Variants in RHCG observed in about 807,000 individuals in gnomAD.
RHCG encodes the protein ammonium transporter Rh type C.
A neutral mutation model predicts 55.3 loss-of-function variants in RHCG; 39 were observed. The observed-to-expected ratio is 0.70, with a 90% CI of 0.55 to 0.92. The LOEUF (loss-of-function observed/expected upper bound fraction) is 0.92. Ranked by LOEUF, RHCG falls within the 40% of genes least tolerant of loss-of-function variation. The pLI is 0.00. For missense variants in RHCG, 635 were observed against 627.9 expected (o/e 1.01, Z -0.12); for synonymous variants, 250 against 246.8 (o/e 1.01, Z -0.12).
At chr15:89,487,603 A>G (rs1961399046) in intron 1 of RHCG, among the ~76,000 whole-genome samples, 1 of 152,136 alleles carries the variant, frequency 6.6e-6, no homozygotes. Flanking sequence ...TCCAGCAGAT[A>G]CACATCCCCG....
intron 1 of RHCG, among the ~76,000 whole-genome samples, chr15:89,490,969 G>A (rs1283170533): frequency 1.3e-5 from 2 of 152,162 alleles, no homozygotes; most frequent in South Asian, 2.1e-4. Flanking sequence ...CAGAGAAGAC[G>A]AAGGACACGC....
chr15:89,492,733 G>T (rs963599146), intron 1 of RHCG, among the ~76,000 whole-genome samples: 2 of 152,226 alleles, frequency 1.3e-5, no homozygotes, highest in Non-Finnish European at 2.9e-5. Context: ...TTGTGATTGG[G>T]AAGTGCACAA....
At chr15:89,489,980 G>A (rs1961443907) in intron 1 of RHCG, among the ~76,000 whole-genome samples, 1 of 152,230 alleles carries the variant, frequency 6.6e-6, no homozygotes, top group Non-Finnish European at 1.5e-5. Context: ...CCAGCACCTA[G>A]GAGAGTGCCA....
Position 89,472,736 on chromosome 15 carries a change from T to TAGGGTACCA in RHCG, c.1430_1438dup (p.Leu477_Pro479dup), listed in dbSNP as rs1961061667. On this transcript the variant is annotated inframe_insertion, in exon 10 of 11. Coordinates refer to ENST00000268122, the MANE Select transcript of RHCG (RefSeq NM_016321.3). ...CTGCTCCTCACCTGCCCTGGGAGCC[T>TAGGGTACCA]AGGGTACCAAGGGTACCGAGGAAGC... is the stretch of plus-strand genomic sequence containing the variant. 3 of 1,608,026 alleles carry TAGGGTACCA rather than the reference T, an allele frequency of 1.9e-6. No homozygotes were observed. Among genetic ancestry groups the TAGGGTACCA allele is most frequent in the African/African-American group, 1.3e-5 (1 of 74,810 alleles).
intron 1 of RHCG, among the ~76,000 whole-genome samples, chr15:89,491,329 C>T (rs1224298660): frequency 6.6e-6 from 1 of 152,206 alleles, no homozygotes; most frequent in Non-Finnish European, 1.5e-5. Context: ...CCGTCAGGAA[C>T]ACAGACACCC....
intron 4 of RHCG, 76 bp from the exon 5 acceptor site, chr15:89,479,564 C>T (rs1331096453): frequency 2.9e-6 from 4 of 1,368,644 alleles, no homozygotes; most frequent in South Asian, 2.8e-5. Flanking sequence ...GGCAGGCATC[C>T]TGTCCTTTAG....
rs1961385842 is a variant in RHCG, at chr15:89,486,979, T to C, written c.191A>G (p.Gln64Arg). ...NEFYYRYPSFQDVHVMVFVGF... is the reference protein window; with the variant it reads ...NEFYYRYPSFRDVHVMVFVGF... ...CACGAAGACCATCACGTGCACGTCC[T>C]GGAAGCCTGCGGGGACAGTGCAGCC... Residue 64 changes from glutamine to arginine, a missense_variant, in exon 2 of 11, where the codon CAG becomes CGG. Gln to Arg is a conservative substitution (Grantham distance 43, BLOSUM62 1). Transcript: ENST00000268122. The C allele has an allele frequency of 1.9e-6, 3 of 1,590,656 alleles. No homozygotes were observed. The highest frequency in any genetic ancestry group is 2.6e-6 in the Non-Finnish European group (3 of 1,164,072).
chr15:89,477,420 G>A lies in RHCG; in HGVS notation c.1112+97C>T. On this transcript the variant is annotated intron_variant, in intron 7 of 10. Coordinates refer to ENST00000268122, the MANE Select transcript of RHCG (RefSeq NM_016321.3). This position sits in a 1 kb window ranked among gnomAD's most constrained non-coding sequence, Gnocchi z 4.5. ...ATTGGTCCAGAGTGGGGAAGGAAAG[G>A]GAGAAAGATGCAGTCGGGTCCCAGA... 1 of 1,524,070 alleles carries A rather than the reference G, an allele frequency of 6.6e-7. No homozygotes were observed. Among genetic ancestry groups the A allele is most frequent in the Non-Finnish European group, 8.9e-7 (1 of 1,124,862 alleles). 94.4% of individuals were successfully genotyped at this position (1,524,070 alleles called of 1,614,324 possible).
chr15:89,484,013 C>G (rs549755428), intron 2 of RHCG, among the ~76,000 whole-genome samples: 1 of 152,352 alleles, frequency 6.6e-6, no homozygotes, highest in African/African-American at 2.4e-5. Context: ...CTGCCAGCAG[C>G]AAAGCTGCCC....
At chr15:89,475,136 GCCTTCCTTCATT>G (rs1961121833) in intron 9 of RHCG, among the ~76,000 whole-genome samples, 1 of 92,296 alleles carries the variant, frequency 1.1e-5, no homozygotes, top group African/African-American at 4.0e-5. Context: ...ATTCCTGCCT[GCCTTCCTTCATT>G]CCTTCCTTCC....
intron 9 of RHCG, among the ~76,000 whole-genome samples, chr15:89,475,835 T>A (rs1392100776): frequency 1.3e-5 from 2 of 152,190 alleles, no homozygotes; most frequent in Admixed American, 6.5e-5. Context: ...CCTAGGTGAT[T>A]CCAGTGTGCA....
intron 1 of RHCG, among the ~76,000 whole-genome samples, chr15:89,491,752 G>C (rs1287262266): frequency 6.6e-6 from 1 of 151,872 alleles, no homozygotes; most frequent in Non-Finnish European, 1.5e-5. Context: ...GGGCAACAGA[G>C]TGAGACTTCA....
At chr15:89,479,670 C>T (rs1044483114) in intron 4 of RHCG, 182 bp from the exon 5 acceptor site, 13 of 608,526 alleles carry the variant, frequency 2.1e-5, no homozygotes, top group Non-Finnish European at 3.1e-5. Flanking sequence ...TCCTTACCCC[C>T]CACTTAGCCT....
intron 4 of RHCG, 79 bp from the exon 5 acceptor site, chr15:89,479,567 T>C (rs12902254): frequency 0.028 from 37,387 of 1,323,266 alleles, 604 homozygotes; most frequent in Non-Finnish European, 0.033. Flanking sequence ...AGGCATCCTG[T>C]CCTTTAGCTC....
intron 3 of RHCG, among the ~76,000 whole-genome samples, chr15:89,480,908 C>T (rs549664343): frequency 6.6e-6 from 1 of 152,352 alleles, no homozygotes; most frequent in African/African-American, 2.4e-5. Flanking sequence ...ACTCACCTCT[C>T]CTTCTCTTTT....
chr15:89,491,814 G>A (rs1286682905), intron 1 of RHCG, among the ~76,000 whole-genome samples: 3 of 151,982 alleles, frequency 2.0e-5, no homozygotes, highest in African/African-American at 7.3e-5. Flanking sequence ...GTGACGATTT[G>A]AGGGTCCAAA....
In RHCG at chr15:89,480,408, C is replaced by T. The variant is rs1341801648; in HGVS notation, c.523G>A (p.Val175Met). The change falls in exon 4 of 11, where the codon GTG becomes ATG. Residue 175 changes from valine (V) to methionine (M), a missense_variant and splice_region_variant. Coordinates refer to ENST00000268122, the MANE Select transcript of RHCG (RefSeq NM_016321.3). ...GTCATGGAGCCTCCTGCATCCTTCA[C>T]CTGGGGTGCAAGGGGCCTGTCAGAC... ...NEFILLNLLK[V>M]KDAGGSMTIH... 6.2e-7 allele frequency: 1 copy of T among 1,612,274 alleles called. No homozygotes were observed. The highest frequency in any genetic ancestry group is 1.1e-5 in the South Asian group (1 of 90,960).
intron 1 of RHCG, among the ~76,000 whole-genome samples, 185 bp from the exon 2 acceptor site, chr15:89,487,170 G>A (rs1387997644): frequency 6.6e-6 from 1 of 152,162 alleles, no homozygotes; most frequent in African/African-American, 2.4e-5. Context: ...GCTGGGCAAG[G>A]TAACGCTGCG....
intron 8 of RHCG, 116 bp from the exon 9 acceptor site, chr15:89,476,944 C>T: frequency 6.5e-7 from 1 of 1,541,798 alleles, no homozygotes; most frequent in Non-Finnish European, 8.9e-7. Flanking sequence ...TCCAAATTGT[C>T]CCAGTCCTGT....
Sources: allele counts gnomAD v4.1 joint callset (sites outside exome capture counted in the v4.1 genomes callset), GRCh38; gene constraint gnomAD v4.1.1; non-coding constraint Gnocchi (gnomAD v3.1); transcripts MANE v1.5; gene names NCBI Gene and HGNC (gene_info 2026-07-23, HGNC 2026-07-21).